The following AFF4 variants were observed in gnomAD, a reference collection of about 807,000 sequenced individuals.
AFF4 encodes the protein AF4/FMR2 family member 4.
In AFF4, 13 loss-of-function variants were observed where a neutral mutation model predicts 124.8. That is an observed-to-expected ratio of 0.10 (90% CI 0.07 to 0.17). The LOEUF (loss-of-function observed/expected upper bound fraction) is 0.17. Ranked by LOEUF, AFF4 falls within the 10% of genes least tolerant of loss-of-function variation. AFF4 has a pLI of 1.00. For missense variants in AFF4, 1,092 were observed against 1,403.8 expected (o/e 0.78, Z 3.55); for synonymous variants, 477 against 496.1 (o/e 0.96, Z 0.51).
chr5:132,890,625 A>G (rs1760230927), intron 13 of AFF4, among the ~76,000 whole-genome samples: 2 of 152,208 alleles, frequency 1.3e-5, no homozygotes, highest in South Asian at 4.1e-4. Flanking sequence ...TAACTAAATT[A>G]CAGATTATTC....
At chr5:132,918,033 T>C (rs1207297681) in intron 5 of AFF4, among the ~76,000 whole-genome samples, 2 of 151,706 alleles carry the variant, frequency 1.3e-5, no homozygotes, top group African/African-American at 4.8e-5. Context: ...AATGTATTTC[T>C]ATAAATTAGC....
At chr5:132,943,888 G>A (rs1299374341) in intron 1 of AFF4, 1 of 200,114 alleles carries the variant, frequency 5.0e-6, no homozygotes. Context: ...GGGAAAGACG[G>A]ATTGCCATTC....
At chr5:132,935,656 A>C (rs901244625) in intron 2 of AFF4, among the ~76,000 whole-genome samples, 1 of 151,962 alleles carries the variant, frequency 6.6e-6, no homozygotes, top group Non-Finnish European at 1.5e-5. Flanking sequence ...CTGTAATCCC[A>C]GCTACTCAGG....
intron 1 of AFF4, among the ~76,000 whole-genome samples, chr5:132,953,410 T>C (rs796833347): frequency 2.6e-5 from 4 of 151,994 alleles, no homozygotes; most frequent in African/African-American, 9.6e-5. Flanking sequence ...CTGGGTAATT[T>C]TTTTTTCTTT....
chr5:132,943,648 A>G (rs1036685753), intron 1 of AFF4: 2 of 225,064 alleles, frequency 8.9e-6, no homozygotes, highest in Non-Finnish European at 2.0e-5. Flanking sequence ...TGAAGCTTTG[A>G]GTGAAGTTTT....
intron 4 of AFF4, among the ~76,000 whole-genome samples, chr5:132,930,933 TAAAAA>T (rs775336427): frequency 1.3e-5 from 1 of 78,564 alleles, no homozygotes; most frequent in Non-Finnish European, 2.3e-5. Flanking sequence ...CTATCTCTAC[TAAAAA>T]AAAAAAAAAA....
At chr5:132,930,822 G>A (rs553554350) in intron 4 of AFF4, among the ~76,000 whole-genome samples, 1 of 151,202 alleles carries the variant, frequency 6.6e-6, no homozygotes, top group South Asian at 2.1e-4. Context: ...TACCCAAAAT[G>A]TTGGCTGGGC....
In AFF4 at chr5:132,934,580, C is replaced by T. The variant is rs931081322; in HGVS notation, c.485G>A (p.Ser162Asn). 2 of 1,614,040 alleles carry T rather than the reference C, an allele frequency of 1.2e-6. No homozygotes were observed. Among genetic ancestry groups the T allele is most frequent in the African/African-American group, 1.3e-5 (1 of 74,896 alleles). Residue 162 changes from serine to asparagine, a missense_variant, in exon 3 of 21, where the codon AGT (serine) becomes AAT (asparagine). By Grantham distance (46) the Ser-to-Asn change is conservative (BLOSUM62 1). Transcript: ENST00000265343. ...DRESYNNSGS[S>N]SRKKGQHGSE... ...TCCATGCTGGCCTTTTTTCCGGCTA[C>T]TGCTCCCACTATTGTTATATGACTC...
intron 11 of AFF4, among the ~76,000 whole-genome samples, chr5:132,894,898 G>C (rs183395620): frequency 4.6e-5 from 7 of 152,224 alleles, no homozygotes; most frequent in Admixed American, 6.5e-5. Context: ...AGGTTGCAGT[G>C]AGCTATGAAT....
rs1176058051 is a variant in AFF4 at position 132,878,069 on chromosome 5, C to T, written c.*2990G>A. ...GTAAGTTTATCTGAAGTACTCACTGCATATAAAGTCACTTCTTGGCTACTT... is the reference window on the plus strand; with the variant it reads ...GTAAGTTTATCTGAAGTACTCACTGTATATAAAGTCACTTCTTGGCTACTT... On this transcript the variant is annotated 3_prime_UTR_variant, in exon 21 of 21. Transcript: ENST00000265343. The T allele has an allele frequency of 4.5e-6, 1 of 223,796 alleles. No homozygotes were observed. Among genetic ancestry groups the T allele is most frequent in the Non-Finnish European group, 8.9e-6 (1 of 112,216 alleles). 13.9% of individuals were successfully genotyped at this position (223,796 alleles called of 1,614,324 possible).
At chr5:132,925,427 A>G (rs1561497771) in intron 5 of AFF4, among the ~76,000 whole-genome samples, 1 of 152,026 alleles carries the variant, frequency 6.6e-6, no homozygotes, top group African/African-American at 2.4e-5. Context: ...CAAAAACTAT[A>G]AAGGAAGAGA....
intron 5 of AFF4, among the ~76,000 whole-genome samples, chr5:132,911,932 G>C (rs994702179): frequency 6.6e-5 from 10 of 151,656 alleles, no homozygotes; most frequent in African/African-American, 2.4e-4. Flanking sequence ...GCAGATAGTT[G>C]CAAGGGGGCA....
intron 1 of AFF4, among the ~76,000 whole-genome samples, chr5:132,960,687 A>T (rs571312061): frequency 1.3e-5 from 2 of 152,322 alleles, no homozygotes; most frequent in East Asian, 3.9e-4. Flanking sequence ...CCTTTTTGTG[A>T]AATCTTAGAT....
At chr5:132,911,356 T>C (rs75300920) in intron 5 of AFF4, among the ~76,000 whole-genome samples, 141 of 152,202 alleles carry the variant, frequency 9.3e-4, no homozygotes, top group African/African-American at 3.0e-3. Flanking sequence ...GCCAGGAACA[T>C]AGTAAGAAGT....
At chr5:132,925,278 GA>G (rs1411671444) in intron 5 of AFF4, among the ~76,000 whole-genome samples, 2 of 151,714 alleles carry the variant, frequency 1.3e-5, no homozygotes, top group Non-Finnish European at 2.9e-5. Flanking sequence ...CATATAGACA[GA>G]AAATTTTTAA....
intron 4 of AFF4, 115 bp from the exon 5 acceptor site, chr5:132,927,322 T>C: frequency 1.2e-6 from 1 of 818,968 alleles, no homozygotes; most frequent in South Asian, 1.6e-5. Context: ...TCCAAAATTC[T>C]ACATACTTAG....
chr5:132,877,032 A>G lies in AFF4; in HGVS notation c.*4027T>C. The G allele has an allele frequency of 1.0e-5, 2 of 199,488 alleles. No homozygotes were observed. Among genetic ancestry groups the G allele is most frequent in the Non-Finnish European group, 2.1e-5 (2 of 96,238 alleles). The allele number at this position is 199,488 out of a possible 1,614,324, so 12.4% of individuals were successfully genotyped here. On this transcript the variant is annotated 3_prime_UTR_variant, in exon 21 of 21. Transcript: ENST00000265343. Reference sequence around the variant, plus strand: ...GCCTGCCTCTTCAATACATTAATGCATAAAGCTGAAATGAAATTTATGTTC... The same window carrying G: ...GCCTGCCTCTTCAATACATTAATGCGTAAAGCTGAAATGAAATTTATGTTC...
intron 5 of AFF4, among the ~76,000 whole-genome samples, chr5:132,923,293 A>G (rs1761094062): frequency 6.6e-6 from 1 of 151,904 alleles, no homozygotes; most frequent in Non-Finnish European, 1.5e-5. Context: ...CGAGGCTGCA[A>G]TGAGCCATGA....
chr5:132,959,416 G>A (rs577648471), intron 1 of AFF4, among the ~76,000 whole-genome samples: 4 of 152,160 alleles, frequency 2.6e-5, no homozygotes, highest in South Asian at 2.1e-4. Flanking sequence ...CACCGGGCCC[G>A]GCAAGGTTAC....
Sources: allele counts gnomAD v4.1 joint callset (sites outside exome capture counted in the v4.1 genomes callset), GRCh38; gene constraint gnomAD v4.1.1; transcripts MANE v1.5; gene names NCBI Gene and HGNC (gene_info 2026-07-23, HGNC 2026-07-21).